RGS18: variants seen among roughly 807,000 people sequenced by gnomAD.
RGS18 encodes the protein regulator of G-protein signaling 18.
A neutral mutation model predicts 27.6 loss-of-function variants in RGS18; 22 were observed. The observed-to-expected ratio is 0.80, with a 90% CI of 0.57 to 1.14. The LOEUF is 1.14. Among genes scored for constraint, RGS18 ranks in the 50% most tolerant of loss-of-function variants. RGS18 has a pLI of 0.00. For missense variants in RGS18, 299 were observed against 269.6 expected, an observed-to-expected ratio of 1.11 and a Z score of -0.76; for synonymous variants, 89 against 84.6, an observed-to-expected ratio of 1.05 and a Z score of -0.29.
chr1:192,159,621 T>C (rs1656035568), intron 2 of RGS18, among the ~76,000 whole-genome samples: 1 of 152,168 alleles, frequency 6.6e-6, no homozygotes, highest in African/African-American at 2.4e-5. Flanking sequence ...ATTTAAGAGT[T>C]TTCACAATGC....
chr1:192,165,708 T>C (rs1397459676), intron 3 of RGS18, among the ~76,000 whole-genome samples: 5 of 152,214 alleles, frequency 3.3e-5, no homozygotes, highest in Non-Finnish European at 5.9e-5. Context: ...TCTAAATCTA[T>C]TGAAGAATAA....
chr1:192,182,646 C>A (rs1214419348), intron 4 of RGS18, among the ~76,000 whole-genome samples: 1 of 151,476 alleles, frequency 6.6e-6, no homozygotes, highest in Non-Finnish European at 1.5e-5. Context: ...GATACTATCA[C>A]AGAAGGAAAA....
chr1:192,172,702 G>T (rs548100954), intron 3 of RGS18, among the ~76,000 whole-genome samples: 1 of 151,356 alleles, frequency 6.6e-6, no homozygotes, highest in Non-Finnish European at 1.5e-5. Flanking sequence ...AAGGACTCGC[G>T]TGATTAGATT....
intron 3 of RGS18, among the ~76,000 whole-genome samples, chr1:192,162,797 T>G (rs1656096406): frequency 6.6e-6 from 1 of 152,140 alleles, no homozygotes; most frequent in Non-Finnish European, 1.5e-5. Context: ...AACATTTTGG[T>G]ACTGCACTGC....
intron 4 of RGS18, among the ~76,000 whole-genome samples, chr1:192,183,916 G>A (rs1656497434): frequency 6.6e-6 from 1 of 151,594 alleles, no homozygotes; most frequent in African/African-American, 2.4e-5. Context: ...TTCCAATCAT[G>A]GCAAAAGGCA....
rs765944762 is a variant in RGS18, at chr1:192,164,828, T to C, written c.283+4389T>C. Reference sequence around the variant, plus strand: ...ACTTTACTTTAATCTCTTAACCCAATTGTCTTCATAAACTGAGGATGTATG... The same window carrying C: ...ACTTTACTTTAATCTCTTAACCCAACTGTCTTCATAAACTGAGGATGTATG... On this transcript the variant is annotated intron_variant, in intron 3 of 4. Coordinates refer to ENST00000367460, the MANE Select transcript of RGS18 (RefSeq NM_130782.3). Among the ~76,000 whole-genome samples, 5 of 152,162 alleles carry C rather than the reference T, an allele frequency of 3.3e-5. No individual in the cohort carries two copies. The South Asian group carries it at 1.0e-3, about 32-fold the overall frequency.
chr1:192,183,412 T>A (rs1656489208), intron 4 of RGS18, among the ~76,000 whole-genome samples: 1 of 151,662 alleles, frequency 6.6e-6, no homozygotes, highest in South Asian at 2.1e-4. Flanking sequence ...CCCCAGCTCA[T>A]TTTTTCCCAT....
chr1:192,176,149 C>T (rs550565274), intron 3 of RGS18, among the ~76,000 whole-genome samples: 1 of 151,834 alleles, frequency 6.6e-6, no homozygotes, highest in Non-Finnish European at 1.5e-5. Context: ...GTCAATTTCT[C>T]TTATCTCAGG....
chr1:192,167,824 A>G (rs1391687023), intron 3 of RGS18: 2 of 152,208 alleles, frequency 1.3e-5, no homozygotes, highest in Non-Finnish European at 2.9e-5. Flanking sequence ...AAGAAACCAC[A>G]TTCTATGGCA....
chr1:192,172,487 G>C (rs1053797418), intron 3 of RGS18, among the ~76,000 whole-genome samples: 1 of 151,942 alleles, frequency 6.6e-6, no homozygotes, highest in Non-Finnish European at 1.5e-5. Context: ...GCAGAACTGT[G>C]AGTAAAATAA....
At chr1:192,159,607 ATTAAT>A (rs1431679891) in intron 2 of RGS18, among the ~76,000 whole-genome samples, 11 of 152,296 alleles carry the variant, frequency 7.2e-5, no homozygotes, top group African/African-American at 2.4e-4. Context: ...TAAAATGCTC[ATTAAT>A]TTAAGAGTTT....
chr1:192,176,127 A>T (rs1349598636), intron 3 of RGS18, among the ~76,000 whole-genome samples: 1 of 151,780 alleles, frequency 6.6e-6, no homozygotes, highest in Non-Finnish European at 1.5e-5. Flanking sequence ...GGAACACAGC[A>T]AGGTTATTCT....
At chr1:192,165,393 C>G (rs1407186122) in intron 3 of RGS18, among the ~76,000 whole-genome samples, 2 of 152,140 alleles carry the variant, frequency 1.3e-5, no homozygotes, top group Non-Finnish European at 2.9e-5. Flanking sequence ...CCTTGTCCTG[C>G]CCATTTGCCT....
At chr1:192,172,779 G>A (rs766961477) in intron 3 of RGS18, among the ~76,000 whole-genome samples, 2 of 150,332 alleles carry the variant, frequency 1.3e-5, no homozygotes, top group Non-Finnish European at 3.0e-5. Context: ...TTTTCCCACA[G>A]TTCCTGGAGA....
At chr1:192,163,058 T>C (rs1656100812) in intron 3 of RGS18, among the ~76,000 whole-genome samples, 1 of 152,196 alleles carries the variant, frequency 6.6e-6, no homozygotes, top group African/African-American at 2.4e-5. Flanking sequence ...AATGGTTGTA[T>C]AATCTTAGTT....
intron 3 of RGS18, among the ~76,000 whole-genome samples, chr1:192,165,533 C>G (rs1008810298): frequency 6.6e-6 from 1 of 152,146 alleles, no homozygotes; most frequent in Non-Finnish European, 1.5e-5. Flanking sequence ...ACGGAACCTG[C>G]CGATGTGATG....
intron 1 of RGS18, 57 bp from the exon 2 acceptor site, chr1:192,159,163 A>G (rs1656026143): frequency 7.9e-7 from 1 of 1,270,498 alleles, no homozygotes; most frequent in Non-Finnish European, 1.1e-6. Context: ...GGTAGTCAGC[A>G]GGAGAGATTT....
chr1:192,169,240 A>G (rs900641167), intron 3 of RGS18: 1 of 152,174 alleles, frequency 6.6e-6, no homozygotes. Context: ...ATTATTTAAT[A>G]ACTCACTTTA....
chr1:192,181,402 C>A lies in RGS18; in HGVS notation c.394C>A (p.His132Asn), dbSNP rs773121174. 3 of 1,588,920 alleles carry A rather than the reference C, an allele frequency of 1.9e-6. No homozygotes were observed. Among genetic ancestry groups the A allele is most frequent in the Non-Finnish European group, 2.6e-6 (3 of 1,169,402 alleles). The change falls in exon 4 of 5, where the codon CAC (histidine) becomes AAC (asparagine). Residue 132 changes from histidine to asparagine, a missense_variant. By Grantham distance (68) the His-to-Asn change is moderately conservative. Transcript: ENST00000367460. Reference sequence around the variant, plus strand: ...GAAAAGCAAGGGACCTCAACAAATTCACCTTAAAGCAAAAGCAATATATGA... The same window carrying A: ...GAAAAGCAAGGGACCTCAACAAATTAACCTTAAAGCAAAAGCAATATATGA... ...FKKSKGPQQIHLKAKAIYEKF... is the reference protein window; with the variant it reads ...FKKSKGPQQINLKAKAIYEKF...
Sources: allele counts gnomAD v4.1 joint callset (sites outside exome capture counted in the v4.1 genomes callset), GRCh38; gene constraint gnomAD v4.1.1; transcripts MANE v1.5; gene names NCBI Gene and HGNC (gene_info 2026-07-23, HGNC 2026-07-21).